The following DCLK1 variants were observed in gnomAD, a reference collection of about 807,000 sequenced individuals.
The protein encoded by DCLK1 is serine/threonine-protein kinase DCLK1.
In DCLK1, 16 loss-of-function variants were observed where a neutral mutation model predicts 86.2. That is an observed-to-expected ratio of 0.19 (90% confidence interval 0.13 to 0.28). The LOEUF (loss-of-function observed/expected upper bound fraction) is 0.28, where lower values mean the gene tolerates loss of function less well. DCLK1 is among the 10% of genes least tolerant of loss of function. DCLK1 has a pLI of 1.00. For synonymous variants in DCLK1, 369 were observed against 370.5 expected (o/e 1.00, Z 0.05); for missense variants, 590 against 940.2 (o/e 0.63, Z 4.87).
At chr13:35,850,754 G>A (rs749126078) in intron 6 of DCLK1, 35 of 1,602,456 alleles carry the variant, frequency 2.2e-5, no homozygotes, top group South Asian at 1.6e-4. Flanking sequence ...CAAGTCATCC[G>A]AAGAGAGGGG....
At position 35,947,446 on chromosome 13, in the gene DCLK1, A is replaced by C; in HGVS notation, c.735T>G (p.Leu245=). 6.2e-7 allele frequency: 1 copy of C among 1,613,670 alleles called. No homozygotes were observed. Among genetic ancestry groups the C allele is most frequent in the African/African-American group, 1.3e-5 (1 of 75,020 alleles). The change falls in exon 4 of 17, where the codon CTT becomes CTG. Residue 245 remains leucine (L), a synonymous_variant. Transcript: ENST00000360631. The part of the protein sequence containing the change: ...YTLDGKQVMC[L]QDFFGDDDIF... The stretch of plus-strand genomic sequence containing the variant: ...TGTCATCATCACCAAAAAAGTCCTG[A>C]AGGCACATCACCTACAAGAGAAAAG...
At chr13:35,799,048 T>C (rs1212365109) in intron 15 of DCLK1, among the ~76,000 whole-genome samples, 2 of 152,212 alleles carry the variant, frequency 1.3e-5, no homozygotes, top group Non-Finnish European at 2.9e-5. Context: ...TAAATAACTG[T>C]ATTTGATTTA....
At chr13:35,905,029 C>G (rs1187343130) in intron 4 of DCLK1, among the ~76,000 whole-genome samples, 1 of 152,190 alleles carries the variant, frequency 6.6e-6, no homozygotes, top group Non-Finnish European at 1.5e-5. Context: ...AGGGCAGGAG[C>G]CTGGCCTGTG....
chr13:35,982,914 A>T (rs1482311089), intron 3 of DCLK1, among the ~76,000 whole-genome samples: 1 of 151,972 alleles, frequency 6.6e-6, no homozygotes, highest in African/African-American at 2.4e-5. Flanking sequence ...AGCACCCGCC[A>T]CCACACCTGG....
chr13:35,981,764 T>C (rs1879654109), intron 3 of DCLK1, among the ~76,000 whole-genome samples: 1 of 152,220 alleles, frequency 6.6e-6, no homozygotes, highest in Admixed American at 6.5e-5. Context: ...GGTATACAAA[T>C]ATGTCTTTGA....
At chr13:36,112,381 G>C (rs1453024706) in intron 2 of DCLK1, among the ~76,000 whole-genome samples, 166 bp from the exon 3 acceptor site, 8 of 152,200 alleles carry the variant, frequency 5.3e-5, no homozygotes. Flanking sequence ...ATTTCTGATT[G>C]CTAATCTGGC....
chr13:36,056,032 T>C (rs574175501), intron 3 of DCLK1, among the ~76,000 whole-genome samples: 272 of 149,832 alleles, frequency 1.8e-3, no homozygotes, highest in African/African-American at 3.2e-3. Flanking sequence ...TGTAAACTAG[T>C]TCAACCATTG....
At chr13:36,056,577 T>C (rs1231231408) in intron 3 of DCLK1, among the ~76,000 whole-genome samples, 1 of 130,864 alleles carries the variant, frequency 7.6e-6, no homozygotes, top group Non-Finnish European at 1.6e-5. Flanking sequence ...GTAACTAACC[T>C]GCACAATGTG....
intron 3 of DCLK1, among the ~76,000 whole-genome samples, chr13:35,952,192 A>G (rs1877730359): frequency 6.6e-6 from 1 of 152,200 alleles, no homozygotes; most frequent in Non-Finnish European, 1.5e-5. Context: ...AATGGAAAAA[A>G]TGTTTAAAAA....
chr13:36,131,503 G>A (rs1886362149), upstream of DCLK1, among the ~76,000 whole-genome samples: 1 of 151,946 alleles, frequency 6.6e-6, no homozygotes, highest in Non-Finnish European at 1.5e-5. Context: ...TTGGCAGGGC[G>A]CACCCACCAC....
At chr13:35,810,614 T>A (rs985091063) in intron 12 of DCLK1, among the ~76,000 whole-genome samples, 6 of 152,190 alleles carry the variant, frequency 3.9e-5, no homozygotes, top group Non-Finnish European at 8.8e-5. Context: ...AAAGACCAAA[T>A]GGAAGCCTTA....
intron 3 of DCLK1, among the ~76,000 whole-genome samples, chr13:36,099,814 G>A (rs140634452): frequency 6.6e-6 from 1 of 152,234 alleles, no homozygotes; most frequent in Non-Finnish European, 1.5e-5. Context: ...TATGGTCACT[G>A]TCAATAATTG....
chr13:35,916,026 G>A (rs1439831828), intron 4 of DCLK1, among the ~76,000 whole-genome samples: 1 of 152,162 alleles, frequency 6.6e-6, no homozygotes, highest in East Asian at 1.9e-4. Flanking sequence ...TGAGTCTCAG[G>A]TCAATGCAAT....
chr13:35,958,136 A>AACCACC (rs1566620635), intron 3 of DCLK1, among the ~76,000 whole-genome samples: 542 of 11,108 alleles, frequency 0.049, 16 homozygotes, highest in African/African-American at 0.24. Flanking sequence ...CCACTACTAT[A>AACCACC]ACCACCACCA....
At chr13:36,066,210 A>G in intron 3 of DCLK1, among the ~76,000 whole-genome samples, 1 of 152,296 alleles carries the variant, frequency 6.6e-6, no homozygotes. Context: ...GAAAGGGTCA[A>G]GTCACTTCCC....
intron 4 of DCLK1, among the ~76,000 whole-genome samples, chr13:35,884,673 G>A (rs574369759): frequency 6.6e-6 from 1 of 152,218 alleles, no homozygotes; most frequent in African/African-American, 2.4e-5. Flanking sequence ...CATGCATTTC[G>A]GTTTGGTGGT....
At chr13:35,826,234 A>G (rs1327408960) in intron 10 of DCLK1, among the ~76,000 whole-genome samples, 1 of 151,708 alleles carries the variant, frequency 6.6e-6, no homozygotes, top group African/African-American at 2.4e-5. Flanking sequence ...TTTGAAAGAA[A>G]CAAGTCTGGC....
At chr13:35,987,597 A>G (rs1427697137) in intron 3 of DCLK1, among the ~76,000 whole-genome samples, 1 of 152,164 alleles carries the variant, frequency 6.6e-6, no homozygotes, top group Non-Finnish European at 1.5e-5. Flanking sequence ...CATAAAATAC[A>G]TACACCATTA....
At position 36,033,605 on chromosome 13, in the gene DCLK1, A is replaced by C. The variant is rs538968111; in HGVS notation, c.723+78264T>G. ...TTTAGATAAAATATGTAAAGTGCCA[A>C]CCTGAGTCTGTTACAGGACTGGCAC... On this transcript the variant is annotated intron_variant, in intron 3 of 16. Transcript: ENST00000360631. 7.9e-5 allele frequency among the ~76,000 whole-genome samples: 12 copies of C among 152,248 alleles called. No homozygotes were observed. The South Asian group carries it at 2.3e-3, about 29-fold the overall frequency.
Sources: gnomAD v4.1 joint callset for allele counts (sites outside exome capture counted in the v4.1 genomes callset) on GRCh38, gnomAD v4.1.1 for gene constraint, MANE v1.5 for transcripts, NCBI Gene and HGNC (gene_info 2026-07-23, HGNC 2026-07-21) for gene names.